PPP1R16A: variants seen among roughly 807,000 people sequenced by gnomAD.
The protein encoded by PPP1R16A is protein phosphatase 1 regulatory subunit 16A.
In PPP1R16A, 39 loss-of-function variants were observed where a neutral mutation model predicts 46.6. That is an observed-to-expected ratio of 0.84 (90% CI 0.65 to 1.09). The LOEUF (loss-of-function observed/expected upper bound fraction) is 1.09, where lower values mean the gene tolerates loss of function less well. Among genes scored for constraint, PPP1R16A ranks in the 50% least tolerant of loss-of-function variants. The pLI is 0.00. For synonymous variants in PPP1R16A, 413 were observed against 321.5 expected (o/e 1.28, Z -3.04); for missense variants, 798 against 735.6 (o/e 1.08, Z -0.98).
Position 144,500,325 on chromosome 8 carries a change from C to G in PPP1R16A, c.639C>G (p.Asp213Glu). 1 of 1,539,308 alleles carries G rather than the reference C, an allele frequency of 6.5e-7. No homozygotes were observed. Among genetic ancestry groups the G allele is most frequent in the Non-Finnish European group, 8.7e-7 (1 of 1,146,486 alleles). ...CCGTGCCAGAACTGCGCATGCTGGACGACATCCGGAGCCGGCTGCAGGCCG... is the reference window on the plus strand; with the variant it reads ...CCGTGCCAGAACTGCGCATGCTGGAGGACATCCGGAGCCGGCTGCAGGCCG... ...ARAVPELRMLDDIRSRLQAGA... is the reference protein window; with the variant it reads ...ARAVPELRMLEDIRSRLQAGA... Residue 213 changes from aspartate (D) to glutamate (E), a missense_variant, in exon 7 of 12, where the codon GAC (aspartate) becomes GAG (glutamate). Coordinates refer to ENST00000435887, the MANE Select transcript of PPP1R16A (RefSeq NM_001329443.2).
At chr8:144,487,798 T>G (rs2721185) in intron 1 of PPP1R16A, among the ~76,000 whole-genome samples, 2,451 of 152,346 alleles carry the variant, frequency 0.016, 75 homozygotes, top group African/African-American at 0.057. Context: ...AAATTTGTTC[T>G]CTTTCAGGCT....
chr8:144,501,365 G>C, intron 11 of PPP1R16A, 71 bp downstream of exon 11: 1 of 1,508,726 alleles, frequency 6.6e-7, no homozygotes, highest in African/African-American at 1.4e-5. Context: ...CTCTCCGCTT[G>C]GACCCCCTCC....
In PPP1R16A at chr8:144,481,213, G is replaced by C. The variant is rs574952304; in HGVS notation, c.-914+3086G>C. On this transcript the variant is annotated intron_variant, in intron 1 of 11. Transcript: ENST00000435887. The stretch of plus-strand genomic sequence containing the variant: ...CTGTTTGATGGGTTTTGTGAACAAC[G>C]TCATAATCCAAATATAAAACATTTC... Among the ~76,000 whole-genome samples, 3 of 152,174 alleles carry C rather than the reference G, an allele frequency of 2.0e-5. No homozygotes were observed. The East Asian group carries it at 5.8e-4, about 29-fold the overall frequency.
chr8:144,497,779 G>A (rs1401200784), intron 3 of PPP1R16A: 9 of 467,046 alleles, frequency 1.9e-5, no homozygotes, highest in Non-Finnish European at 3.6e-5. Flanking sequence ...GGGCCCCACG[G>A]GAGCAGGGGT....
At position 144,497,375 on chromosome 8, in the gene PPP1R16A, C is replaced by A. The variant is rs145969525; in HGVS notation, c.181C>A (p.Gln61Lys). 64 of 1,612,916 alleles carry A rather than the reference C, an allele frequency of 4.0e-5. No homozygotes were observed. The Middle Eastern group carries it at 2.3e-3, about 58-fold the overall frequency. ...GERPRKEAASQGLLKQVLFPP... is the reference protein window; with the variant it reads ...GERPRKEAASKGLLKQVLFPP... ...GCGTCCCCGGAAGGAGGCAGCCAGC[C>A]AAGGGCTCCTGAAGCAGGTCCTCTT... Residue 61 changes from glutamine to lysine, a missense_variant, in exon 3 of 12, where the codon CAA becomes AAA. Physicochemically the swap from Gln to Lys is moderately conservative, Grantham distance 53. Transcript: ENST00000435887.
chr8:144,495,664 C>T (rs1826023387), intron 2 of PPP1R16A: 2 of 152,316 alleles, frequency 1.3e-5, no homozygotes, highest in African/African-American at 4.8e-5. Flanking sequence ...TCTCGATCTC[C>T]TGACCTCGTG....
rs1046678846 is a variant in PPP1R16A, at chr8:144,496,891, T to G, written c.-304T>G. 1.9e-6 allele frequency: 1 copy of G among 521,166 alleles called. No individual in the cohort carries two copies. The highest frequency in any genetic ancestry group is 1.9e-5 in the African/African-American group (1 of 52,232). 32.3% of individuals were successfully genotyped at this position (521,166 alleles called of 1,614,324 possible). On this transcript the variant is annotated 5_prime_UTR_variant, in exon 3 of 12. Coordinates refer to ENST00000435887, the MANE Select transcript of PPP1R16A (RefSeq NM_001329443.2). ...AGGTCTCGGGGCTGCCTCCCATAGG[T>G]TGTGCACCCTGACCCCGAGAGGGAG...
intron 9 of PPP1R16A, 36 bp from the exon 10 acceptor site, chr8:144,500,806 G>A (rs754184671): frequency 6.2e-7 from 1 of 1,600,854 alleles, no homozygotes; most frequent in South Asian, 1.1e-5. Flanking sequence ...AGGACAGGCG[G>A]GGAGGGCGCC....
At chr8:144,494,534 C>G (rs572088544) in intron 2 of PPP1R16A, among the ~76,000 whole-genome samples, 18 of 152,070 alleles carry the variant, frequency 1.2e-4, no homozygotes, top group African/African-American at 4.1e-4. Context: ...CCTTGAACTC[C>G]TGGGTTCAAG....
rs1021770644 is a variant in PPP1R16A at position 144,500,365 on chromosome 8, G to A, written c.679G>A (p.Ala227Thr). Residue 227 changes from alanine to threonine, a missense_variant, in exon 7 of 12, where the codon GCC becomes ACC. Transcript: ENST00000435887. ...GCTGCAGGCCGGGGCAGACCTCCAT[G>A]CCCCCCTGGACCACGGGGCCACGCT... is the stretch of plus-strand genomic sequence containing the variant. ...SRLQAGADLH[A>T]PLDHGATLLH... 1 of 1,533,676 alleles carries A rather than the reference G, an allele frequency of 6.5e-7. No individual in the cohort carries two copies. Among genetic ancestry groups the A allele is most frequent in the Non-Finnish European group, 8.7e-7 (1 of 1,145,614 alleles).
intron 1 of PPP1R16A, among the ~76,000 whole-genome samples, chr8:144,484,463 C>T (rs1181786371): frequency 1.3e-5 from 2 of 152,224 alleles, no homozygotes; most frequent in Non-Finnish European, 2.9e-5. Context: ...CCTCCCTGCC[C>T]TCTCTTCCCT....
At chr8:144,497,601 T>C (rs770953415) in intron 3 of PPP1R16A, 148 bp downstream of exon 3, 6 of 1,159,836 alleles carry the variant, frequency 5.2e-6, no homozygotes, top group Non-Finnish European at 7.5e-6. Flanking sequence ...TCAGGCTGGG[T>C]GGCCCAGGGT....
chr8:144,500,858 G>C lies in PPP1R16A; in HGVS notation c.924G>C (p.Glu308Asp), dbSNP rs1284672357. The change falls in exon 10 of 12, where the codon GAG becomes GAC. Residue 308 changes from glutamate to aspartate, a missense_variant. Transcript: ENST00000435887. ...ACTTCTCAGATGTGTGCGGGGACGA[G>C]GAGGTGCGGGCCAAGCTGCTGGAGC... The part of the protein sequence containing the change: ...DETPLDVCGD[E>D]EVRAKLLELK... 22 of 1,572,182 alleles carry C rather than the reference G, an allele frequency of 1.4e-5. No homozygotes were observed. The highest frequency in any genetic ancestry group is 1.9e-5 in the Non-Finnish European group (22 of 1,160,644).
chr8:144,487,568 C>T (rs980791241), intron 1 of PPP1R16A, among the ~76,000 whole-genome samples: 1 of 152,146 alleles, frequency 6.6e-6, no homozygotes. Context: ...GAGAGTCTCC[C>T]TGTTTTGCCT....
chr8:144,492,613 G>C (rs983296598), intron 2 of PPP1R16A, among the ~76,000 whole-genome samples: 1 of 152,110 alleles, frequency 6.6e-6, no homozygotes, highest in African/African-American at 2.4e-5. Context: ...GGGATTACAG[G>C]CGTGAGCCAC....
intron 11 of PPP1R16A, 82 bp from the exon 12 acceptor site, chr8:144,501,438 C>T (rs907561778): frequency 1.3e-5 from 20 of 1,481,706 alleles, no homozygotes; most frequent in East Asian, 4.9e-5. Flanking sequence ...CTGTCTGTCC[C>T]TTCATGACCA....
chr8:144,484,607 G>T (rs7014426), intron 1 of PPP1R16A, among the ~76,000 whole-genome samples: 1 of 152,042 alleles, frequency 6.6e-6, no homozygotes, highest in Non-Finnish European at 1.5e-5. Flanking sequence ...TAGTTTATTC[G>T]ATTTATTTTG....
intron 5 of PPP1R16A, 184 bp downstream of exon 5, chr8:144,499,245 C>A (rs929715611): frequency 2.0e-5 from 16 of 795,032 alleles, no homozygotes; most frequent in Admixed American, 1.8e-4. Context: ...GGCATGTGCC[C>A]AGGGCAGCGC....
At chr8:144,483,252 T>G (rs1342527034) in intron 1 of PPP1R16A, among the ~76,000 whole-genome samples, 1 of 152,236 alleles carries the variant, frequency 6.6e-6, no homozygotes, top group Non-Finnish European at 1.5e-5. Context: ...GTGGGTCCAG[T>G]GTCCCAATTC....
Sources: gnomAD v4.1 joint callset for allele counts (sites outside exome capture counted in the v4.1 genomes callset) on GRCh38, gnomAD v4.1.1 for gene constraint, MANE v1.5 for transcripts, NCBI Gene and HGNC (gene_info 2026-07-23, HGNC 2026-07-21) for gene names.